The following CDH4 variants were observed in gnomAD, a reference collection of about 807,000 sequenced individuals.
CDH4 encodes cadherin-4.
CDH4 carries 33 observed loss-of-function variants against 86.0 expected under a neutral mutation model. The observed-to-expected ratio is 0.38, with a 90% CI of 0.29 to 0.51. The LOEUF is 0.51. Ranked by LOEUF, CDH4 falls within the 20% of genes least tolerant of loss-of-function variation. The probability of loss-of-function intolerance (pLI) is 0.86; values close to 1 mark genes in which losing one functional copy is unlikely to be tolerated. For missense variants in CDH4, 1,114 were observed against 1,307.4 expected (o/e 0.85, Z 2.28); for synonymous variants, 555 against 549.4 (o/e 1.01, Z -0.14).
At chr20:61,335,135 CG>C (rs2084610219) in intron 2 of CDH4, among the ~76,000 whole-genome samples, 1 of 152,112 alleles carries the variant, frequency 6.6e-6, no homozygotes, top group Non-Finnish European at 1.5e-5. Context: ...GGAGGTCTCG[CG>C]GCCATTGACA....
chr20:61,887,142 G>A (rs975807855), intron 7 of CDH4, among the ~76,000 whole-genome samples: 8 of 152,116 alleles, frequency 5.3e-5, no homozygotes, highest in African/African-American at 1.9e-4. Context: ...CAGAAAAGGG[G>A]GAGATGGGCA....
chr20:61,799,441 T>C (rs1979716224), intron 4 of CDH4, among the ~76,000 whole-genome samples: 1 of 152,222 alleles, frequency 6.6e-6, no homozygotes, highest in Non-Finnish European at 1.5e-5. Context: ...GTAGGGACTT[T>C]GCATTTTAGA....
At chr20:61,450,935 G>A (rs2085375735) in intron 2 of CDH4, among the ~76,000 whole-genome samples, 1 of 151,982 alleles carries the variant, frequency 6.6e-6, no homozygotes. Flanking sequence ...CAGGTCCTGA[G>A]GAGTCCCTGT....
At chr20:61,769,556 C>T (rs1225195904) in intron 3 of CDH4, among the ~76,000 whole-genome samples, 2 of 152,212 alleles carry the variant, frequency 1.3e-5, no homozygotes, top group Admixed American at 6.5e-5. Context: ...GGAGAGGTGG[C>T]ACTTTCAGGT....
In CDH4 at chr20:61,918,574, G is replaced by A. The variant is rs116028850; in HGVS notation, c.1375-4877G>A. On this transcript the variant is annotated intron_variant, in intron 9 of 15. Transcript: ENST00000614565. ...GTGACAGCGTGCATCAGGGAGCCACGAGGCATCTCACTCAGGACTCAGGGA... is the reference window on the plus strand; with the variant it reads ...GTGACAGCGTGCATCAGGGAGCCACAAGGCATCTCACTCAGGACTCAGGGA... Among the ~76,000 whole-genome samples the A allele has an allele frequency of 5.2e-3, 787 of 152,250 alleles. 5 individuals carry two copies. Among genetic ancestry groups the A allele is most frequent in the African/African-American group, 0.018 (741 of 41,536 alleles).
chr20:61,802,512 C>T (rs1464521326), intron 4 of CDH4, among the ~76,000 whole-genome samples: 2 of 152,164 alleles, frequency 1.3e-5, no homozygotes, highest in Admixed American at 1.3e-4. Context: ...AAAGGAATTT[C>T]TCTGCAGAGC....
intron 2 of CDH4, among the ~76,000 whole-genome samples, chr20:61,463,935 A>G (rs2085458815): frequency 6.6e-6 from 1 of 152,162 alleles, no homozygotes. Flanking sequence ...TGAGCAGAAC[A>G]TTGAGGCTGT....
chr20:61,623,441 T>C lies in CDH4; in HGVS notation c.170-120122T>C, dbSNP rs2086796926. Among the ~76,000 whole-genome samples, 1 of 152,206 alleles carries C rather than the reference T, an allele frequency of 6.6e-6. No homozygotes were observed. The highest frequency in any genetic ancestry group is 2.1e-4 in the South Asian group (1 of 4,832). ...AAGGTGCTAATTTCACATTGTCTTC[T>C]TTATATAGATTACACCTTCCAAAGC... On this transcript the variant is annotated intron_variant, in intron 2 of 15. Coordinates refer to ENST00000614565, the MANE Select transcript of CDH4 (RefSeq NM_001794.5). This position sits in a 1 kb window ranked among gnomAD's most constrained non-coding sequence, Gnocchi z 4.4.
chr20:61,310,900 A>G (rs2084441914), intron 2 of CDH4, among the ~76,000 whole-genome samples: 1 of 152,142 alleles, frequency 6.6e-6, no homozygotes, highest in Non-Finnish European at 1.5e-5. Context: ...TTTTGCCTTA[A>G]TCACCACTTC....
At chr20:61,849,286 C>T (rs530887798) in intron 5 of CDH4, among the ~76,000 whole-genome samples, 17 of 152,256 alleles carry the variant, frequency 1.1e-4, no homozygotes, top group East Asian at 1.9e-4. Context: ...ACCCCAACTC[C>T]GGATTTCCAC....
intron 2 of CDH4, among the ~76,000 whole-genome samples, chr20:61,526,493 CT>C (rs550523822): frequency 6.5e-4 from 97 of 150,018 alleles, no homozygotes; most frequent in African/African-American, 2.3e-3. Flanking sequence ...TTTTTTCTTT[CT>C]TTTTTTTTAA....
At chr20:61,261,024 G>A (rs375575157) in intron 2 of CDH4, among the ~76,000 whole-genome samples, 6 of 152,150 alleles carry the variant, frequency 3.9e-5, no homozygotes, top group Non-Finnish European at 7.3e-5. Context: ...GAACACTGCC[G>A]CCCCGGGCTC....
intron 2 of CDH4, among the ~76,000 whole-genome samples, chr20:61,436,268 C>T (rs1191426026): frequency 6.6e-6 from 1 of 152,200 alleles, no homozygotes; most frequent in Non-Finnish European, 1.5e-5. Context: ...CCCCACTGGC[C>T]AGACACCAAC....
At position 61,544,091 on chromosome 20, in the gene CDH4, C is replaced by T. The variant is rs571155885; in HGVS notation, c.170-199472C>T. On this transcript the variant is annotated intron_variant, in intron 2 of 15. Coordinates refer to ENST00000614565, the MANE Select transcript of CDH4 (RefSeq NM_001794.5). This position sits in a 1 kb window ranked among gnomAD's most constrained non-coding sequence, Gnocchi z 6.5. The stretch of plus-strand genomic sequence containing the variant: ...ACTAAGGTCCTTGGAGGCTGCCCCA[C>T]GCCCCCTGGCCCCACACCTGCCTCT... 2.7e-4 allele frequency among the ~76,000 whole-genome samples: 41 copies of T among 152,286 alleles called. No individual in the cohort carries two copies. The highest frequency in any genetic ancestry group is 6.8e-3 in the Middle Eastern group (2 of 294).
intron 2 of CDH4, among the ~76,000 whole-genome samples, chr20:61,279,074 A>G (rs2084244931): frequency 6.6e-6 from 1 of 152,134 alleles, no homozygotes; most frequent in South Asian, 2.1e-4. Context: ...ACAGGCCTCT[A>G]TTTTGAGGGA....
In CDH4 at chr20:61,852,786, C is replaced by T. The variant is rs1318508682; in HGVS notation, c.765C>T (p.Asn255=). Residue 255 remains asparagine (N), a synonymous_variant, in exon 6 of 16, where the codon AAC becomes AAT. Coordinates refer to ENST00000614565, the MANE Select transcript of CDH4 (RefSeq NM_001794.5). Reference sequence around the variant, plus strand: ...CCCACGCTGTGGACATGAATGGCAACAAGGTGGAGAACCCCATCGACCTGT... The same window carrying T: ...CCCACGCTGTGGACATGAATGGCAATAAGGTGGAGAACCCCATCGACCTGT... ...LRAHAVDMNG[N]KVENPIDLYI... 6.2e-7 allele frequency: 1 copy of T among 1,613,760 alleles called. No homozygotes were observed.
chr20:61,679,890 A>G lies in CDH4; in HGVS notation c.170-63673A>G, dbSNP rs138605935. 4.6e-5 allele frequency among the ~76,000 whole-genome samples: 7 copies of G among 152,306 alleles called. No homozygotes were observed. In the East Asian group the frequency reaches 1.4e-3, roughly 29 times the overall value. On this transcript the variant is annotated intron_variant, in intron 2 of 15. Transcript: ENST00000614565. ...TCTGGGTGGACTTCCAAGGCTCTTC[A>G]CCAGGTTCTCATGAGAGAGCCATTT...
intron 2 of CDH4, among the ~76,000 whole-genome samples, chr20:61,378,249 T>G (rs1302038524): frequency 6.6e-6 from 1 of 152,194 alleles, no homozygotes; most frequent in South Asian, 2.1e-4. Context: ...AGCAAAACTC[T>G]CTGTTAAAAG....
chr20:61,487,449 G>A (rs2085602793), intron 2 of CDH4, among the ~76,000 whole-genome samples: 1 of 152,126 alleles, frequency 6.6e-6, no homozygotes, highest in African/African-American at 2.4e-5. Context: ...TTCTCATAAT[G>A]GAGCCTCCAT....
Sources: gnomAD v4.1 joint callset for allele counts (sites outside exome capture counted in the v4.1 genomes callset) on GRCh38, gnomAD v4.1.1 for gene constraint, Gnocchi (gnomAD v3.1) non-coding constraint, MANE v1.5 for transcripts, NCBI Gene and HGNC (gene_info 2026-07-23, HGNC 2026-07-21) for gene names.